The following LANCL3 variants were observed in gnomAD, a reference collection of about 807,000 sequenced individuals.
The protein encoded by LANCL3 is lanC-like protein 3.
Under a neutral mutation model 26.5 loss-of-function variants are expected in LANCL3, and 19 were observed. That is an observed-to-expected ratio of 0.72 (90% CI 0.50 to 1.05). The LOEUF (loss-of-function observed/expected upper bound fraction) is 1.05, where lower values mean the gene tolerates loss of function less well. LANCL3 is among the 50% of genes least tolerant of loss of function. The pLI is 0.00. For synonymous variants in LANCL3, 160 were observed against 166.6 expected (o/e 0.96, Z 0.30); for missense variants, 318 against 362.7 (o/e 0.88, Z 1.00).
In LANCL3 at chrX:37,592,350, A is replaced by G. The variant is rs183445990; in HGVS notation, c.573+19907A>G. On this transcript the variant is annotated intron_variant, in intron 1 of 4. Coordinates refer to ENST00000378619, the MANE Select transcript of LANCL3 (RefSeq NM_001170331.2). ...TTCCCATACCCAGAATTGCCAGTGA[A>G]CTTTTTAGGATGAAACTGTTAAATA... is the stretch of plus-strand genomic sequence containing the variant. 2.6e-3 allele frequency among the ~76,000 whole-genome samples: 296 copies of G among 112,587 alleles called. 1 individual carries two copies. Among genetic ancestry groups the G allele is most frequent in the African/African-American group, 7.7e-3 (239 of 31,053 alleles).
chrX:37,612,928 C>T (rs1231898289), intron 1 of LANCL3, among the ~76,000 whole-genome samples: 1 of 111,713 alleles, frequency 9.0e-6, no homozygotes, highest in Non-Finnish European at 1.9e-5. Context: ...GGCCTGCTAT[C>T]TTATAGCTAC....
chrX:37,608,796 A>G (rs940618363), intron 1 of LANCL3, among the ~76,000 whole-genome samples: 22 of 112,217 alleles, frequency 2.0e-4, no homozygotes, highest in African/African-American at 7.1e-4. Flanking sequence ...ACATAGGAAA[A>G]AAGAGAACCA....
intron 1 of LANCL3, among the ~76,000 whole-genome samples, chrX:37,607,224 C>A (rs1007981311): frequency 4.4e-5 from 5 of 112,561 alleles, no homozygotes; most frequent in Non-Finnish European, 9.4e-5. Flanking sequence ...TCTCTTTCTA[C>A]TTCCTGAACC....
intron 1 of LANCL3, among the ~76,000 whole-genome samples, chrX:37,592,307 C>T (rs1458794518): frequency 1.3e-4 from 15 of 112,596 alleles, no homozygotes; most frequent in African/African-American, 4.5e-4. Context: ...TGCTAAAGCC[C>T]GCCAACTGGC....
intron 1 of LANCL3, among the ~76,000 whole-genome samples, chrX:37,581,544 T>C (rs1251258067): frequency 1.3e-4 from 15 of 111,989 alleles, no homozygotes; most frequent in African/African-American, 4.9e-4. Flanking sequence ...ATAATCATGA[T>C]ACCAAGCCTA....
chrX:37,573,610 C>T (rs1289228484), intron 1 of LANCL3, among the ~76,000 whole-genome samples: 1 of 111,875 alleles, frequency 8.9e-6, no homozygotes, highest in African/African-American at 3.3e-5. Context: ...GCTTCTGAGT[C>T]ACTGTTAACT....
At chrX:37,592,360 A>T (rs782278201) in intron 1 of LANCL3, among the ~76,000 whole-genome samples, 1 of 112,583 alleles carries the variant, frequency 8.9e-6, no homozygotes, top group Non-Finnish European at 1.9e-5. Flanking sequence ...ACTTTTTAGG[A>T]TGAAACTGTT....
At chrX:37,638,629 TA>T (rs1221837038) in intron 1 of LANCL3, among the ~76,000 whole-genome samples, 8 of 111,558 alleles carry the variant, frequency 7.2e-5, no homozygotes, top group African/African-American at 2.0e-4. Flanking sequence ...TGCTTTTTTA[TA>T]AAAAAAATTG....
intron 3 of LANCL3, among the ~76,000 whole-genome samples, chrX:37,665,406 C>T (rs782321284): frequency 8.9e-6 from 1 of 111,735 alleles, no homozygotes; most frequent in South Asian, 3.8e-4. Flanking sequence ...CATCTTGGGC[C>T]TGGAATTCTC....
chrX:37,653,720 G>A (rs1202453416), intron 1 of LANCL3, among the ~76,000 whole-genome samples: 2 of 111,962 alleles, frequency 1.8e-5, no homozygotes, highest in African/African-American at 6.5e-5. Flanking sequence ...TTGAATGGTT[G>A]TATTTAATCA....
intron 1 of LANCL3, 42 bp downstream of exon 1, chrX:37,572,485 C>T: frequency 9.1e-7 from 1 of 1,093,327 alleles, no homozygotes. Context: ...TCGCCGCCTG[C>T]CCGGCCTCCT....
At position 37,667,473 on chromosome X, in the gene LANCL3, A is replaced by T; in HGVS notation, c.1087A>T (p.Ile363Phe). Residue 363 changes from isoleucine (I) to phenylalanine (F), a missense_variant, in exon 4 of 5, where the codon ATC becomes TTC. Physicochemically the swap from Ile to Phe is conservative, Grantham distance 21. Transcript: ENST00000378619. ...CCGGCTCACGGGAAACTCTAAATAC[A>T]TCTACCGAGCTCAAAGGTCAGCTGT... Reference protein sequence around the residue: ...LYRLTGNSKYIYRAQRFAQFL... With the variant: ...LYRLTGNSKYFYRAQRFAQFL... The T allele has an allele frequency of 8.6e-7, 1 of 1,162,469 alleles. No homozygotes were observed. The highest frequency in any genetic ancestry group is 1.1e-6 in the Non-Finnish European group (1 of 875,178).
chrX:37,651,986 C>T (rs12008336), intron 1 of LANCL3, among the ~76,000 whole-genome samples: 1,685 of 108,335 alleles, frequency 0.016, 34 homozygotes, highest in African/African-American at 0.056. Context: ...GGACCCATTC[C>T]TGACCTGTCT....
At chrX:37,613,693 G>T (rs782138942) in intron 1 of LANCL3, among the ~76,000 whole-genome samples, 22 of 112,448 alleles carry the variant, frequency 2.0e-4, no homozygotes, top group Non-Finnish European at 3.4e-4. Context: ...CATTATGTCT[G>T]TGTTGTGTGA....
chrX:37,674,622 A>T (rs1556436873), intron 4 of LANCL3, among the ~76,000 whole-genome samples: 1 of 111,914 alleles, frequency 8.9e-6, no homozygotes, highest in East Asian at 2.8e-4. Context: ...AAAATTTTAA[A>T]TTCCATTTTA....
At position 37,683,547 on chromosome X, in the gene LANCL3, T is replaced by G; in HGVS notation, c.*7734T>G. On this transcript the variant is annotated 3_prime_UTR_variant, in exon 5 of 5. Transcript: ENST00000378619. ...CTTATCTGTTGTATACAAGTAAAAT[T>G]TTGAAAGACTCGGACACAAAATGAA... The G allele has an allele frequency of 8.9e-6, 1 of 111,969 alleles. No individual in the cohort carries two copies. The highest frequency in any genetic ancestry group is 1.9e-5 in the Non-Finnish European group (1 of 53,168). The allele number at this position is 111,969 out of a possible 1,213,427, so 9.2% of individuals were successfully genotyped here. A position where few individuals can be genotyped will look rare whatever the true frequency, so the allele number is the denominator to read the frequency against.
At chrX:37,656,486 A>G (rs142366735) in intron 2 of LANCL3, among the ~76,000 whole-genome samples, 1,360 of 111,419 alleles carry the variant, frequency 0.012, 11 homozygotes, top group African/African-American at 0.042. Context: ...CCCTTTATCT[A>G]TCTGTAATAA....
At chrX:37,629,487 C>T (rs1925418313) in intron 1 of LANCL3, among the ~76,000 whole-genome samples, 1 of 107,867 alleles carries the variant, frequency 9.3e-6, no homozygotes, top group Admixed American at 9.9e-5. Flanking sequence ...CTTTTGTTGC[C>T]ATTGCTTTTG....
intron 1 of LANCL3, among the ~76,000 whole-genome samples, chrX:37,579,294 T>C (rs1323123113): frequency 9.0e-6 from 1 of 111,513 alleles, no homozygotes; most frequent in Non-Finnish European, 1.9e-5. Flanking sequence ...ATAAATAATA[T>C]ACATGCATAT....
Sources: allele counts gnomAD v4.1 joint callset (sites outside exome capture counted in the v4.1 genomes callset), GRCh38; gene constraint gnomAD v4.1.1; transcripts MANE v1.5; gene names NCBI Gene and HGNC (gene_info 2026-07-23, HGNC 2026-07-21).